SLC25A38: variants seen among roughly 807,000 people sequenced by gnomAD.
SLC25A38 encodes solute carrier family 25 member 38, also known as mitochondrial glycine transporter.
A neutral mutation model predicts 33.4 loss-of-function variants in SLC25A38; 27 were observed. That is an observed-to-expected ratio of 0.81 (90% CI 0.60 to 1.11). SLC25A38 has a LOEUF of 1.11. Ranked by LOEUF, SLC25A38 falls within the 50% of genes most tolerant of loss-of-function variation. SLC25A38 has a pLI of 0.00. For synonymous variants in SLC25A38, 123 were observed against 145.9 expected, an observed-to-expected ratio of 0.84 and a Z score of 1.13; for missense variants, 344 against 388.8, an observed-to-expected ratio of 0.88 and a Z score of 0.97.
chr3:39,391,533 C>T lies in SLC25A38; in HGVS notation c.369C>T (p.Ala123=). 1 of 1,614,210 alleles carries T rather than the reference C, an allele frequency of 6.2e-7. No individual in the cohort carries two copies. Among genetic ancestry groups the T allele is most frequent in the South Asian group, 1.1e-5 (1 of 91,086 alleles). Reference sequence around the variant, plus strand: ...TCTTGCGAGGCCATCCCCCAACCGCCCTGGAGTCAGTCATGCTGGGGGTGG... The same window carrying T: ...TCTTGCGAGGCCATCCCCCAACCGCTCTGGAGTCAGTCATGCTGGGGGTGG... The part of the protein sequence containing the change: ...QYFLRGHPPT[A]LESVMLGVGS... Residue 123 remains alanine (A), a synonymous_variant, in exon 4 of 7, where the codon GCC becomes GCT. Transcript: ENST00000650617.
At chr3:39,394,643 T>C in intron 6 of SLC25A38, 67 bp downstream of exon 6, 2 of 1,578,926 alleles carry the variant, frequency 1.3e-6, no homozygotes, top group Non-Finnish European at 1.7e-6. Flanking sequence ...CAGTAGTTCT[T>C]ACCCTTCACT....
At chr3:39,385,215 G>C (rs1446827324) in intron 1 of SLC25A38, among the ~76,000 whole-genome samples, 1 of 152,134 alleles carries the variant, frequency 6.6e-6, no homozygotes, top group African/African-American at 2.4e-5. Flanking sequence ...TGTTGTTGTT[G>C]TTGTCTTGTT....
chr3:39,393,083 G>A (rs191352810), intron 5 of SLC25A38, among the ~76,000 whole-genome samples: 10 of 152,294 alleles, frequency 6.6e-5, no homozygotes, highest in East Asian at 1.9e-4. Flanking sequence ...CCAGGAGTTC[G>A]AGACCAGCCT....
Position 39,389,222 on chromosome 3 carries a change from T to C in SLC25A38, c.70-273T>C. On this transcript the variant is annotated intron_variant, in intron 1 of 6. Coordinates refer to ENST00000650617, the MANE Select transcript of SLC25A38 (RefSeq NM_017875.4). The surrounding 1 kb of genome is among the most constrained non-coding windows in gnomAD (Gnocchi z 4.5). Reference sequence around the variant, plus strand: ...AGAACAAATAGGGAAGAGTGGTCAGTGGCATGGAAATAGTTTTGCTCCCAC... The same window carrying C: ...AGAACAAATAGGGAAGAGTGGTCAGCGGCATGGAAATAGTTTTGCTCCCAC... 1 of 669,182 alleles carries C rather than the reference T, an allele frequency of 1.5e-6. No individual in the cohort carries two copies. Among genetic ancestry groups the C allele is most frequent in the Non-Finnish European group, 2.7e-6 (1 of 369,256 alleles). The allele number at this position is 669,182 out of a possible 1,614,324, so 41.5% of individuals were successfully genotyped here.
intron 2 of SLC25A38, 150 bp from the exon 3 acceptor site, chr3:39,390,273 A>C: frequency 1.2e-6 from 1 of 803,886 alleles, no homozygotes; most frequent in East Asian, 2.6e-5. Flanking sequence ...CCAACCTACG[A>C]ACACATAGAG....
intron 4 of SLC25A38, 88 bp from the exon 5 acceptor site, chr3:39,391,765 G>A: frequency 1.2e-6 from 2 of 1,603,428 alleles, no homozygotes; most frequent in Admixed American, 3.3e-5. Flanking sequence ...TAGATCCCAT[G>A]GTAATGCCCC....
At chr3:39,391,730 G>A in intron 4 of SLC25A38, 110 bp downstream of exon 4, 3 of 1,590,136 alleles carry the variant, frequency 1.9e-6, no homozygotes, top group Non-Finnish European at 2.6e-6. Context: ...AGAGTCTGAT[G>A]TGGTCAGACA....
chr3:39,384,167 G>C (rs1383762919), intron 1 of SLC25A38, among the ~76,000 whole-genome samples: 2 of 152,218 alleles, frequency 1.3e-5, no homozygotes, highest in Non-Finnish European at 2.9e-5. Context: ...TGATAATAGC[G>C]CTGACGCTGA....
rs1472914062 is a variant in SLC25A38, at chr3:39,389,442, A to G, written c.70-53A>G. ...GAATTTGCTGGTCAGGTATAGAGAAAGGTGAGGCTCACACAGGCAGAGCTA... is the reference window on the plus strand; with the variant it reads ...GAATTTGCTGGTCAGGTATAGAGAAGGGTGAGGCTCACACAGGCAGAGCTA... On this transcript the variant is annotated intron_variant, in intron 1 of 6. Coordinates refer to ENST00000650617, the MANE Select transcript of SLC25A38 (RefSeq NM_017875.4). The surrounding 1 kb of genome is among the most constrained non-coding windows in gnomAD (Gnocchi z 4.5). 6.2e-7 allele frequency: 1 copy of G among 1,614,020 alleles called. No homozygotes were observed. The highest frequency in any genetic ancestry group is 8.5e-7 in the Non-Finnish European group (1 of 1,179,994).
At chr3:39,386,000 A>G (rs2041704979) in intron 1 of SLC25A38, among the ~76,000 whole-genome samples, 1 of 152,232 alleles carries the variant, frequency 6.6e-6, no homozygotes, top group Non-Finnish European at 1.5e-5. Context: ...GCCCTGTGAT[A>G]CATGAAAGGC....
At chr3:39,385,746 G>A (rs1310909260) in intron 1 of SLC25A38, among the ~76,000 whole-genome samples, 1 of 152,276 alleles carries the variant, frequency 6.6e-6, no homozygotes, top group Non-Finnish European at 1.5e-5. Context: ...GAACAAGACA[G>A]GCAGGAGTTG....
intron 5 of SLC25A38, among the ~76,000 whole-genome samples, chr3:39,394,042 A>G (rs1274498345): frequency 6.6e-6 from 1 of 152,232 alleles, no homozygotes; most frequent in African/African-American, 2.4e-5. Context: ...TATCACTTGG[A>G]TAAGATACTG....
Position 39,389,471 on chromosome 3 carries a change from A to G in SLC25A38, c.70-24A>G. 1.2e-6 allele frequency: 2 copies of G among 1,614,228 alleles called. No individual in the cohort carries two copies. Among genetic ancestry groups the G allele is most frequent in the South Asian group, 2.2e-5 (2 of 91,088 alleles). On this transcript the variant is annotated intron_variant, in intron 1 of 6. Transcript: ENST00000650617. This position sits in a 1 kb window ranked among gnomAD's most constrained non-coding sequence, Gnocchi z 4.5. ...GAGGCTCACACAGGCAGAGCTACTGACACAATATTGTCTTATCCTGCAGTT... is the reference window on the plus strand; with the variant it reads ...GAGGCTCACACAGGCAGAGCTACTGGCACAATATTGTCTTATCCTGCAGTT...
chr3:39,384,025 C>A (rs1019063839), intron 1 of SLC25A38, among the ~76,000 whole-genome samples: 9 of 152,174 alleles, frequency 5.9e-5, no homozygotes, highest in Non-Finnish European at 1.0e-4. Flanking sequence ...GGCCGATGTC[C>A]CGGTAAAGGG....
At chr3:39,392,215 A>C (rs2041779123) in intron 5 of SLC25A38, among the ~76,000 whole-genome samples, 194 bp downstream of exon 5, 1 of 133,486 alleles carries the variant, frequency 7.5e-6, no homozygotes, top group Non-Finnish European at 1.6e-5. Flanking sequence ...TTTACATCCT[A>C]TTAAGGCAAA....
chr3:39,383,532 C>A lies in SLC25A38; in HGVS notation c.-193C>A, dbSNP rs1321571283. 8 of 622,658 alleles carry A rather than the reference C, an allele frequency of 1.3e-5. No homozygotes were observed. The highest frequency in any genetic ancestry group is 1.2e-4 in the Admixed American group (4 of 34,110). 38.6% of individuals were successfully genotyped at this position (622,658 alleles called of 1,614,324 possible). On this transcript the variant is annotated 5_prime_UTR_variant, in exon 1 of 7. Coordinates refer to ENST00000650617, the MANE Select transcript of SLC25A38 (RefSeq NM_017875.4). The stretch of plus-strand genomic sequence containing the variant: ...TCCCGCAGCAAGATTGTTCCGCGCC[C>A]GCAGCCCCTGGACTAGCAGGATCCG...
chr3:39,386,156 A>T (rs2041706438), intron 1 of SLC25A38, among the ~76,000 whole-genome samples: 1 of 152,164 alleles, frequency 6.6e-6, no homozygotes, highest in Admixed American at 6.5e-5. Flanking sequence ...TACATTTGTC[A>T]TTACTTGTAT....
intron 1 of SLC25A38, chr3:39,387,698 G>C (rs1456174752): frequency 2.0e-5 from 3 of 152,638 alleles, no homozygotes; most frequent in African/African-American, 7.2e-5. Flanking sequence ...GGCTGGAGAT[G>C]TGGGCATTAC....
intron 1 of SLC25A38, chr3:39,384,678 T>C (rs1337230760): frequency 2.5e-6 from 1 of 398,574 alleles, no homozygotes; most frequent in Non-Finnish European, 4.4e-6. Flanking sequence ...TGGATCCAGT[T>C]TGTACTCTTA....
Sources: allele counts gnomAD v4.1 joint callset (sites outside exome capture counted in the v4.1 genomes callset), GRCh38; gene constraint gnomAD v4.1.1; non-coding constraint Gnocchi (gnomAD v3.1); transcripts MANE v1.5; gene names NCBI Gene and HGNC (gene_info 2026-07-23, HGNC 2026-07-21).